Variants in LAMP3 observed in about 807,000 individuals in gnomAD.
LAMP3 encodes lysosome-associated membrane glycoprotein 3.
LAMP3 carries 26 observed loss-of-function variants against 34.8 expected under a neutral mutation model. The ratio of observed to expected loss-of-function variants is 0.75; its 90% confidence interval spans 0.55 to 1.04. The LOEUF is 1.04. Among genes scored for constraint, LAMP3 ranks in the 50% least tolerant of loss-of-function variants. LAMP3 has a pLI of 0.00. For synonymous variants in LAMP3, 180 were observed against 201.9 expected (o/e 0.89, Z 0.92); for missense variants, 495 against 524.0 (o/e 0.94, Z 0.54).
chr3:183,135,128 G>C (rs1720043258), intron 5 of LAMP3, among the ~76,000 whole-genome samples: 1 of 152,218 alleles, frequency 6.6e-6, no homozygotes, highest in Admixed American at 6.5e-5. Context: ...AGCTCTGCCT[G>C]TGATGGTCAG....
At chr3:183,156,081 C>T (rs1405893483) in intron 1 of LAMP3, among the ~76,000 whole-genome samples, 3 of 152,062 alleles carry the variant, frequency 2.0e-5, no homozygotes, top group Non-Finnish European at 2.9e-5. Context: ...GATGTTGGGC[C>T]GGGCGCGGTG....
At chr3:183,162,864 A>G (rs372468339), upstream of LAMP3, 1,847 of 526,820 alleles carry the variant, frequency 3.5e-3, 24 homozygotes, top group African/African-American at 0.032. Flanking sequence ...GACTCGGCGC[A>G]GCCGCCGGGG....
At chr3:183,136,783 C>T (rs1720110311) in intron 4 of LAMP3, among the ~76,000 whole-genome samples, 1 of 152,002 alleles carries the variant, frequency 6.6e-6, no homozygotes, top group South Asian at 2.1e-4. Flanking sequence ...AAGGACTGGC[C>T]CTCTCTTATG....
intron 4 of LAMP3, among the ~76,000 whole-genome samples, 167 bp downstream of exon 4, chr3:183,140,371 A>G (rs919102629): frequency 7.4e-5 from 10 of 134,234 alleles, no homozygotes; most frequent in African/African-American, 2.7e-4. Context: ...AGATCGTGCC[A>G]CTACACTCCA....
At chr3:183,126,716 AATG>A (rs1719789675) in intron 5 of LAMP3, among the ~76,000 whole-genome samples, 1 of 152,212 alleles carries the variant, frequency 6.6e-6, no homozygotes, top group South Asian at 2.1e-4. Context: ...TCCACCAAGA[AATG>A]TCATTGCTAA....
At chr3:183,142,594 C>T (rs986763160) in intron 3 of LAMP3, among the ~76,000 whole-genome samples, 1 of 151,992 alleles carries the variant, frequency 6.6e-6, no homozygotes, top group African/African-American at 2.4e-5. Context: ...TAAGCATCTA[C>T]CGCAGATGCA....
At position 183,142,420 on chromosome 3, in the gene LAMP3, G is replaced by C. The variant is rs116499504; in HGVS notation, c.889-1825C>G. Among the ~76,000 whole-genome samples, 1,158 of 152,168 alleles carry C rather than the reference G, an allele frequency of 7.6e-3. 10 individuals carry two copies. Among genetic ancestry groups the C allele is most frequent in the African/African-American group, 0.026 (1,083 of 41,510 alleles). On this transcript the variant is annotated intron_variant, in intron 3 of 5. Coordinates refer to ENST00000265598, the MANE Select transcript of LAMP3 (RefSeq NM_014398.4). Reference sequence around the variant, plus strand: ...CTTCCCTTTGGTGTCTCCCTGACCTGTCCCTCCTAAAGGAAGAATGCTTGG... The same window carrying C: ...CTTCCCTTTGGTGTCTCCCTGACCTCTCCCTCCTAAAGGAAGAATGCTTGG...
chr3:183,161,402 A>ATT (rs35147786), intron 1 of LAMP3, among the ~76,000 whole-genome samples: 89 of 151,398 alleles, frequency 5.9e-4, no homozygotes, highest in African/African-American at 2.1e-3. Context: ...TTATTTATTT[A>ATT]TTTTTTTTGA....
chr3:183,128,889 T>G (rs1261721325), intron 5 of LAMP3, among the ~76,000 whole-genome samples: 2 of 152,184 alleles, frequency 1.3e-5, no homozygotes, highest in Non-Finnish European at 2.9e-5. Context: ...CTTGTTTATA[T>G]TGCGACTCAT....
chr3:183,132,137 T>G, intron 5 of LAMP3: 1 of 985,324 alleles, frequency 1.0e-6, no homozygotes, highest in Non-Finnish European at 1.2e-6. Flanking sequence ...AGACAACACA[T>G]GAAATTGAAG....
intron 5 of LAMP3, among the ~76,000 whole-genome samples, chr3:183,133,897 G>A (rs1035635139): frequency 2.0e-5 from 3 of 152,004 alleles, no homozygotes; most frequent in Admixed American, 1.3e-4. Context: ...CCAGTTCTTC[G>A]ATCCCCTGTT....
At chr3:183,157,929 GGC>G (rs1720868265) in intron 1 of LAMP3, among the ~76,000 whole-genome samples, 1 of 152,156 alleles carries the variant, frequency 6.6e-6, no homozygotes, top group Non-Finnish European at 1.5e-5. Flanking sequence ...TTGGTGGGGT[GGC>G]TAGAGGTGAT....
chr3:183,163,374 C>T (rs1268927057), upstream of LAMP3, among the ~76,000 whole-genome samples: 1 of 151,168 alleles, frequency 6.6e-6, no homozygotes, highest in Non-Finnish European at 1.5e-5. Flanking sequence ...GGGATCTCGG[C>T]TCACTGCCCT....
In LAMP3 at chr3:183,143,082, A is replaced by G. The variant is rs148724246; in HGVS notation, c.889-2487T>C. Among the ~76,000 whole-genome samples the G allele has an allele frequency of 7.6e-3, 1,155 of 152,320 alleles. 10 individuals are homozygous for G. The highest frequency in any genetic ancestry group is 0.026 in the African/African-American group (1,080 of 41,562). ...TTTCCATTTTGACTGAGTCAAAATT[A>G]GTGAAACATTGACTAGGACTAAGCT... On this transcript the variant is annotated intron_variant, in intron 3 of 5. Transcript: ENST00000265598.
intron 3 of LAMP3, among the ~76,000 whole-genome samples, chr3:183,150,565 C>CTTTTTTTTTTTTTTT (rs10665288): frequency 1.0e-4 from 9 of 86,092 alleles, no homozygotes; most frequent in Admixed American, 3.0e-4. Context: ...GCCAAAGTGA[C>CTTTTTTTTTTTTTTT]TTTTTTTTTT....
chr3:183,160,758 A>G (rs1330292062), intron 1 of LAMP3: 3 of 152,106 alleles, frequency 2.0e-5, no homozygotes, highest in Non-Finnish European at 4.4e-5. Context: ...TCAAAGCTCG[A>G]CTCTGTCACC....
intron 5 of LAMP3, among the ~76,000 whole-genome samples, chr3:183,131,141 G>C (rs1177614375): frequency 4.6e-5 from 7 of 152,218 alleles, no homozygotes; most frequent in African/African-American, 1.7e-4. Context: ...GATAGCAGGA[G>C]TCCAAGCAGT....
At chr3:183,137,593 G>T (rs1425492228) in intron 4 of LAMP3, among the ~76,000 whole-genome samples, 1 of 152,082 alleles carries the variant, frequency 6.6e-6, no homozygotes, top group Admixed American at 6.6e-5. Flanking sequence ...ACACTGCCGG[G>T]TCACGTGTTA....
chr3:183,141,688 G>C (rs1720288868), intron 3 of LAMP3, among the ~76,000 whole-genome samples: 2 of 152,162 alleles, frequency 1.3e-5, no homozygotes, highest in African/African-American at 4.8e-5. Flanking sequence ...TCCATAAATA[G>C]AAACTGTTTT....
Sources: gnomAD v4.1 joint callset for allele counts (sites outside exome capture counted in the v4.1 genomes callset) on GRCh38, gnomAD v4.1.1 for gene constraint, MANE v1.5 for transcripts, NCBI Gene and HGNC (gene_info 2026-07-23, HGNC 2026-07-21) for gene names.